SGCD: variants seen among roughly 807,000 people sequenced by gnomAD.
SGCD encodes delta-sarcoglycan.
A neutral mutation model predicts 36.6 loss-of-function variants in SGCD; 18 were observed. The ratio of observed to expected loss-of-function variants is 0.49; its 90% CI spans 0.34 to 0.73. The LOEUF (loss-of-function observed/expected upper bound fraction) is 0.73. Among genes scored for constraint, SGCD ranks in the 30% least tolerant of loss-of-function variants. The pLI, the probability that SGCD is intolerant of heterozygous loss-of-function variation, is 0.01. For missense variants in SGCD, 387 were observed against 346.7 expected (o/e 1.12, Z -0.92); for synonymous variants, 133 against 130.6 (o/e 1.02, Z -0.12).
At chr5:155,924,883 T>A (rs1365998174) in intron 1 of SGCD, among the ~76,000 whole-genome samples, 1 of 152,218 alleles carries the variant, frequency 6.6e-6, no homozygotes, top group East Asian at 1.9e-4. Context: ...ATGTATACCG[T>A]CCTATGCATA....
intron 7 of SGCD, among the ~76,000 whole-genome samples, chr5:156,656,060 G>C (rs563506065): frequency 6.6e-6 from 1 of 151,982 alleles, no homozygotes; most frequent in Non-Finnish European, 1.5e-5. Context: ...TACATGCCAC[G>C]GCAAATGTTA....
intron 3 of SGCD, among the ~76,000 whole-genome samples, chr5:156,316,650 T>A (rs1251137423): frequency 1.3e-5 from 2 of 151,986 alleles, no homozygotes; most frequent in African/African-American, 4.8e-5. Flanking sequence ...AATAAACTCA[T>A]CTGTATGATG....
At chr5:156,714,111 G>A (rs1247093719) in intron 7 of SGCD, among the ~76,000 whole-genome samples, 1 of 152,138 alleles carries the variant, frequency 6.6e-6, no homozygotes. Flanking sequence ...AACTTTATTT[G>A]TAACCCAGAA....
chr5:156,696,198 T>C (rs1266798473), intron 7 of SGCD, among the ~76,000 whole-genome samples: 1 of 152,168 alleles, frequency 6.6e-6, no homozygotes, highest in South Asian at 2.1e-4. Context: ...AGATTTGTCA[T>C]TGAGACTTAG....
chr5:156,375,657 C>A (rs1770622694), intron 3 of SGCD, among the ~76,000 whole-genome samples: 1 of 152,172 alleles, frequency 6.6e-6, no homozygotes, highest in African/African-American at 2.4e-5. Context: ...TTAAACAATT[C>A]TTTCCCCATG....
chr5:155,894,586 A>C (rs1756207634), intron 1 of SGCD, among the ~76,000 whole-genome samples: 1 of 152,044 alleles, frequency 6.6e-6, no homozygotes, highest in South Asian at 2.1e-4. Context: ...ACTCCCCATC[A>C]CTCTCTTGCA....
chr5:156,630,567 GT>G (rs908995172), intron 6 of SGCD, among the ~76,000 whole-genome samples: 1 of 152,182 alleles, frequency 6.6e-6, no homozygotes, highest in Non-Finnish European at 1.5e-5. Flanking sequence ...TTGGGTTTTA[GT>G]AATAACTTGT....
At chr5:156,425,140 C>A (rs778471467) in intron 3 of SGCD, among the ~76,000 whole-genome samples, 4 of 152,040 alleles carry the variant, frequency 2.6e-5, no homozygotes, top group Non-Finnish European at 4.4e-5. Context: ...AGCAGTCAGG[C>A]CCAATACGTT....
At chr5:156,377,839 C>T (rs1191427464) in intron 3 of SGCD, among the ~76,000 whole-genome samples, 1 of 152,124 alleles carries the variant, frequency 6.6e-6, no homozygotes, top group Admixed American at 6.6e-5. Context: ...ACATTGATCT[C>T]ATGAATATGA....
chr5:156,290,179 C>T (rs1008215534), intron 3 of SGCD, among the ~76,000 whole-genome samples: 5 of 152,010 alleles, frequency 3.3e-5, no homozygotes, highest in African/African-American at 1.2e-4. Flanking sequence ...AACATAGGTA[C>T]TATTATTACC....
the SGCD span, among the ~76,000 whole-genome samples, chr5:155,771,711 C>T: frequency 6.6e-6 from 1 of 152,070 alleles, no homozygotes; most frequent in Non-Finnish European, 1.5e-5. Flanking sequence ...GCTTAAGCCA[C>T]TGCACCCGGC....
At chr5:155,915,351 G>A (rs1243254193) in intron 1 of SGCD, among the ~76,000 whole-genome samples, 1 of 152,068 alleles carries the variant, frequency 6.6e-6, no homozygotes, top group South Asian at 2.1e-4. Flanking sequence ...CCCTTTAGGG[G>A]TGACATTTCC....
At chr5:156,169,324 C>T (rs565365081) in intron 3 of SGCD, among the ~76,000 whole-genome samples, 5 of 152,322 alleles carry the variant, frequency 3.3e-5, no homozygotes, top group African/African-American at 2.4e-5. Context: ...GCGGTCTTGT[C>T]GCATTTCCTC....
intron 3 of SGCD, among the ~76,000 whole-genome samples, chr5:156,283,008 A>C (rs1207157983): frequency 1.3e-5 from 2 of 152,202 alleles, no homozygotes; most frequent in Non-Finnish European, 2.9e-5. Context: ...AAATGATTCC[A>C]GGTGATTAAA....
At chr5:156,625,884 G>A (rs985665755) in intron 6 of SGCD, among the ~76,000 whole-genome samples, 7 of 152,112 alleles carry the variant, frequency 4.6e-5, no homozygotes, top group African/African-American at 1.2e-4. Context: ...CTGAGGATGG[G>A]GTTAGTCTGG....
chr5:156,129,825 C>G (rs996361469), intron 3 of SGCD, among the ~76,000 whole-genome samples: 25 of 152,082 alleles, frequency 1.6e-4, no homozygotes, highest in African/African-American at 6.0e-4. Flanking sequence ...TGATGTTGTT[C>G]TTTTTTATGG....
chr5:156,037,201 C>A (rs562879149), intron 1 of SGCD, among the ~76,000 whole-genome samples: 7 of 152,220 alleles, frequency 4.6e-5, no homozygotes, highest in African/African-American at 1.7e-4. Context: ...TGACGGAGGA[C>A]CAGATCTATT....
chr5:156,539,903 T>G (rs560328906), intron 4 of SGCD, among the ~76,000 whole-genome samples: 1 of 152,242 alleles, frequency 6.6e-6, no homozygotes, highest in African/African-American at 2.4e-5. Flanking sequence ...TGGAACAAAT[T>G]GTTGAACCTG....
At position 156,529,531 on chromosome 5, in the gene SGCD, T is replaced by TA. The variant is rs140560840; in HGVS notation, c.294+20839dup. ...GTTGGCAAAAAAAAAAATGTTGCTG[T>TA]AAAAAAAAAATGCTTTTTTTCTTAA... On this transcript the variant is annotated intron_variant, in intron 4 of 8. Coordinates refer to ENST00000337851, the MANE Select transcript of SGCD (RefSeq NM_000337.6). Among the ~76,000 whole-genome samples, 499 of 149,288 alleles carry TA rather than the reference T, an allele frequency of 3.3e-3. 1 individual carries two copies. The highest frequency in any genetic ancestry group is 0.01 in the African/African-American group (418 of 40,762).
Sources: allele counts gnomAD v4.1 joint callset (sites outside exome capture counted in the v4.1 genomes callset), GRCh38; gene constraint gnomAD v4.1.1; transcripts MANE v1.5; gene names NCBI Gene and HGNC (gene_info 2026-07-23, HGNC 2026-07-21).